Variants in WWOX observed in about 807,000 individuals in gnomAD.
WWOX encodes WW domain containing oxidoreductase.
A neutral mutation model predicts 46.2 loss-of-function variants in WWOX; 69 were observed. That is an observed-to-expected ratio of 1.49 (90% CI 1.23 to 1.82). The LOEUF is 1.82. WWOX is among the 40% of genes most tolerant of loss of function. The probability of loss-of-function intolerance (pLI) is 0.00; values close to 1 mark genes in which losing one functional copy is unlikely to be tolerated. For synonymous variants in WWOX, 359 were observed against 202.6 expected (o/e 1.77, Z -6.56); for missense variants, 919 against 542.6 (o/e 1.69, Z -6.89).
At chr16:79,065,966 TCCTCTTTGTACCA>T (rs1001056949) in intron 8 of WWOX, among the ~76,000 whole-genome samples, 13 of 152,312 alleles carry the variant, frequency 8.5e-5, no homozygotes, top group Admixed American at 8.5e-4. Context: ...CTCATGTCTC[TCCTCTTTGTACCA>T]CCTTCCAACA....
intron 8 of WWOX, among the ~76,000 whole-genome samples, chr16:78,620,080 A>C (rs1057079948): frequency 6.6e-6 from 1 of 152,172 alleles, no homozygotes; most frequent in Non-Finnish European, 1.5e-5. Flanking sequence ...ATTAATAATG[A>C]GTTAGAATAC....
chr16:78,185,358 T>C (rs955635741), intron 5 of WWOX, among the ~76,000 whole-genome samples: 1 of 152,176 alleles, frequency 6.6e-6, no homozygotes, highest in Admixed American at 6.5e-5. Context: ...CTGTTTAAAA[T>C]TGATGAGACT....
intron 8 of WWOX, among the ~76,000 whole-genome samples, chr16:78,633,079 A>T (rs988814913): frequency 6.6e-6 from 1 of 152,014 alleles, no homozygotes; most frequent in Admixed American, 6.5e-5. Flanking sequence ...TCTGGCCAAC[A>T]TGGTGAAACC....
intron 8 of WWOX, among the ~76,000 whole-genome samples, chr16:79,091,669 C>G (rs111954039): frequency 1.3e-3 from 200 of 152,132 alleles, no homozygotes; most frequent in Middle Eastern, 3.4e-3. Context: ...CAAGGATATT[C>G]TTACCTCTTC....
chr16:78,598,121 A>G (rs1295016960), intron 8 of WWOX, among the ~76,000 whole-genome samples: 2 of 152,208 alleles, frequency 1.3e-5, no homozygotes, highest in African/African-American at 4.8e-5. Flanking sequence ...TGTTTAGGGA[A>G]TCATGGATTT....
intron 8 of WWOX, among the ~76,000 whole-genome samples, chr16:78,644,362 A>G (rs2046791946): frequency 6.6e-6 from 1 of 152,168 alleles, no homozygotes; most frequent in South Asian, 2.1e-4. Flanking sequence ...CCTCTATGCA[A>G]ACAAAAATTT....
At chr16:78,670,559 C>G (rs2047436072) in intron 8 of WWOX, among the ~76,000 whole-genome samples, 1 of 152,042 alleles carries the variant, frequency 6.6e-6, no homozygotes, top group South Asian at 2.1e-4. Flanking sequence ...CAGCCAGCCC[C>G]AGGTTTGGAT....
At chr16:78,756,867 G>A in intron 8 of WWOX, 1 of 702,056 alleles carries the variant, frequency 1.4e-6, no homozygotes. Flanking sequence ...AGACATCAGA[G>A]CATGTGACTT....
chr16:78,941,188 G>C (rs1440890724), intron 8 of WWOX, among the ~76,000 whole-genome samples: 1 of 152,152 alleles, frequency 6.6e-6, no homozygotes, highest in African/African-American at 2.4e-5. Flanking sequence ...AAATATCCCA[G>C]TTGCAAAGGA....
At chr16:79,141,891 C>T (rs184111233) in intron 8 of WWOX, among the ~76,000 whole-genome samples, 7 of 148,560 alleles carry the variant, frequency 4.7e-5, no homozygotes, top group South Asian at 4.3e-4. Context: ...TCTAACAGGG[C>T]GGGCCAGAAG....
chr16:79,001,401 A>T (rs2151362645), intron 8 of WWOX, among the ~76,000 whole-genome samples: 1 of 152,242 alleles, frequency 6.6e-6, no homozygotes, highest in South Asian at 2.1e-4. Context: ...TTTGTAGCAA[A>T]ACCCAGCATG....
intron 8 of WWOX, among the ~76,000 whole-genome samples, chr16:78,884,528 G>C (rs2044412825): frequency 6.6e-6 from 1 of 152,102 alleles, no homozygotes; most frequent in African/African-American, 2.4e-5. Flanking sequence ...GAATGACTTA[G>C]AACTAAATTC....
intron 8 of WWOX, among the ~76,000 whole-genome samples, chr16:78,670,138 C>G (rs1008252600): frequency 6.6e-6 from 1 of 152,096 alleles, no homozygotes; most frequent in African/African-American, 2.4e-5. Context: ...TCAGTAGAGG[C>G]CAGCTGAGCT....
chr16:78,536,272 C>G (rs1033284651), intron 8 of WWOX, among the ~76,000 whole-genome samples: 21 of 151,876 alleles, frequency 1.4e-4, no homozygotes, highest in African/African-American at 1.9e-4. Flanking sequence ...AGATTTTAAC[C>G]AAAGGTTGAT....
intron 8 of WWOX, among the ~76,000 whole-genome samples, chr16:78,846,515 T>C (rs1170766129): frequency 6.6e-6 from 1 of 152,158 alleles, no homozygotes; most frequent in Admixed American, 6.5e-5. Context: ...GTCTGATGTG[T>C]TCTCTTGATT....
chr16:78,145,956 C>G (rs971384202), intron 4 of WWOX: 1 of 152,316 alleles, frequency 6.6e-6, no homozygotes, highest in Non-Finnish European at 1.5e-5. Flanking sequence ...ATCTGTTTCT[C>G]TTCCAAGAAA....
At chr16:78,581,047 C>A (rs999115020) in intron 8 of WWOX, among the ~76,000 whole-genome samples, 1 of 152,006 alleles carries the variant, frequency 6.6e-6, no homozygotes, top group African/African-American at 2.4e-5. Flanking sequence ...CAGCCATCAG[C>A]CTTATTAGAG....
At chr16:78,684,227 C>A (rs966014833) in intron 8 of WWOX, among the ~76,000 whole-genome samples, 9 of 152,300 alleles carry the variant, frequency 5.9e-5, no homozygotes, top group African/African-American at 2.2e-4. Context: ...GATTGCAGAG[C>A]AAACTTCTGG....
At chr16:78,632,206 C>G (rs2046448994) in intron 8 of WWOX, among the ~76,000 whole-genome samples, 1 of 152,070 alleles carries the variant, frequency 6.6e-6, no homozygotes, top group Non-Finnish European at 1.5e-5. Context: ...CCCTGTCTTT[C>G]TGAGCTGTTT....
Sources: gnomAD v4.1 joint callset for allele counts (sites outside exome capture counted in the v4.1 genomes callset) on GRCh38, gnomAD v4.1.1 for gene constraint, MANE v1.5 for transcripts, NCBI Gene and HGNC (gene_info 2026-07-23, HGNC 2026-07-21) for gene names.